Variants in CCT8L2 observed in about 807,000 individuals in gnomAD.
The protein encoded by CCT8L2 is chaperonin containing TCP1 subunit 8 like 2.
In CCT8L2, 29 loss-of-function variants were observed where a neutral mutation model predicts 31.5. The observed-to-expected ratio is 0.92, with a 90% CI of 0.68 to 1.25. The LOEUF (loss-of-function observed/expected upper bound fraction) is 1.25, where lower values mean the gene tolerates loss of function less well. Among genes scored for constraint, CCT8L2 ranks in the 50% most tolerant of loss-of-function variants. The pLI is 0.00. For missense variants in CCT8L2, 589 were observed against 695.7 expected, an observed-to-expected ratio of 0.85 and a Z score of 1.73; for synonymous variants, 256 against 290.1, an observed-to-expected ratio of 0.88 and a Z score of 1.19.
In CCT8L2 at chr22:16,592,302, C is replaced by A; in HGVS notation, c.249G>T (p.Glu83Asp). 6.2e-7 allele frequency: 1 copy of A among 1,614,258 alleles called. No individual in the cohort carries two copies. The highest frequency in any genetic ancestry group is 1.1e-5 in the South Asian group (1 of 91,088). ...CCCGGAGGAGCCATGCTGCTGGGTG[C>A]TCCAGCTCCAGGGCCCTGAGGATGG... ...ATAILRALELEHPAAWLLREA... is the reference protein window; with the variant it reads ...ATAILRALELDHPAAWLLREA... The change falls in exon 1 of 1, where the codon GAG becomes GAT. Residue 83 changes from glutamate (E) to aspartate (D), a missense_variant. By Grantham distance (45) the Glu-to-Asp change is conservative. Transcript: ENST00000359963.
rs1383011394 is a variant in CCT8L2, at chr22:16,592,092, T to C, written c.459A>G (p.Gln153=). The part of the protein sequence containing the change: ...VLATLPSLAI[Q]SLGPLEDPSW... Reference sequence around the variant, plus strand: ...ATGGATCTTCCAAAGGCCCCAGAGATTGGATGGCCAGGGAGGGCAGTGTGG... The same window carrying C: ...ATGGATCTTCCAAAGGCCCCAGAGACTGGATGGCCAGGGAGGGCAGTGTGG... The change falls in exon 1 of 1, where the codon CAA becomes CAG. Residue 153 remains glutamine (Q), a synonymous_variant. Coordinates refer to ENST00000359963, the MANE Select transcript of CCT8L2 (RefSeq NM_014406.5). 1.2e-6 allele frequency: 2 copies of C among 1,614,180 alleles called. No individual in the cohort carries two copies. The highest frequency in any genetic ancestry group is 1.1e-5 in the South Asian group (1 of 91,084).
At position 16,591,423 on chromosome 22, in the gene CCT8L2, A is replaced by G; in HGVS notation, c.1128T>C (p.Val376=). ...ECTGTPALTV[V]LRGATTQGLR... is the part of the protein sequence containing the mutation. ...GCCCCTGGGTGGTGGCTCCCCTGAGAACCACAGTGAGGGCAGGTGTGCCTG... is the reference window on the plus strand; with the variant it reads ...GCCCCTGGGTGGTGGCTCCCCTGAGGACCACAGTGAGGGCAGGTGTGCCTG... The change falls in exon 1 of 1, where the codon GTT becomes GTC. Residue 376 remains valine, a synonymous_variant. Coordinates refer to ENST00000359963, the MANE Select transcript of CCT8L2 (RefSeq NM_014406.5). The G allele has an allele frequency of 1.9e-6, 3 of 1,614,028 alleles. No individual in the cohort carries two copies. Among genetic ancestry groups the G allele is most frequent in the Non-Finnish European group, 2.5e-6 (3 of 1,179,910 alleles).
In CCT8L2 at chr22:16,592,261, T is replaced by C. The variant is rs992227350; in HGVS notation, c.290A>G (p.Gln97Arg). 1 of 1,614,132 alleles carries C rather than the reference T, an allele frequency of 6.2e-7. No homozygotes were observed. The highest frequency in any genetic ancestry group is 1.3e-5 in the African/African-American group (1 of 74,938). Residue 97 changes from glutamine to arginine, a missense_variant, in exon 1 of 1, where the codon CAG (glutamine) becomes CGG (arginine). Coordinates refer to ENST00000359963, the MANE Select transcript of CCT8L2 (RefSeq NM_014406.5). ...AWLLREAGQT[Q>R]AENSGDGTAF... ...TGTGCCGTCCCCACTATTCTCTGCC[T>C]GGGTTTGTCCTGCTTCCCGGAGGAG...
chr22:16,592,801 G>GC lies in CCT8L2; in HGVS notation c.-252dup, dbSNP rs2059595896. 1 of 436,334 alleles carries GC rather than the reference G, an allele frequency of 2.3e-6. No individual in the cohort carries two copies. The highest frequency in any genetic ancestry group is 2.0e-5 in the African/African-American group (1 of 49,704). The allele number at this position is 436,334 out of a possible 1,614,324, so 27.0% of individuals were successfully genotyped here. ...TTCTGTAAAGGAACTGGGTCTTGGG[G>GC]CCTCTCAACCTTGGTGGCTGAAATG... On this transcript the variant is annotated 5_prime_UTR_variant, in exon 1 of 1. Transcript: ENST00000359963.
Position 16,592,673 on chromosome 22 carries a change from G to T in CCT8L2, c.-123C>A, listed in dbSNP as rs1420583150. On this transcript the variant is annotated 5_prime_UTR_variant, in exon 1 of 1. Coordinates refer to ENST00000359963, the MANE Select transcript of CCT8L2 (RefSeq NM_014406.5). ...GGTCAGTGGAAGCAAGGAGCCAAAT[G>T]CCCATTGATTGGTATCTGAAGACAT... 1.3e-6 allele frequency: 1 copy of T among 789,344 alleles called. No homozygotes were observed. Among genetic ancestry groups the T allele is most frequent in the Non-Finnish European group, 2.0e-6 (1 of 495,286 alleles). The allele number at this position is 789,344 out of a possible 1,614,324, so 48.9% of individuals were successfully genotyped here.
At position 16,592,315 on chromosome 22, in the gene CCT8L2, G is replaced by A; in HGVS notation, c.236C>T (p.Ala79Val). The A allele has an allele frequency of 6.2e-7, 1 of 1,614,236 alleles. No individual in the cohort carries two copies. The highest frequency in any genetic ancestry group is 1.6e-4 in the Middle Eastern group (1 of 6,062). ...CTGCATAILR[A>V]LELEHPAAWL... ...TGCTGCTGGGTGCTCCAGCTCCAGG[G>A]CCCTGAGGATGGCAGTGGCACACCC... The change falls in exon 1 of 1, where the codon GCC (alanine) becomes GTC (valine). Residue 79 changes from alanine (A) to valine (V), a missense_variant. Coordinates refer to ENST00000359963, the MANE Select transcript of CCT8L2 (RefSeq NM_014406.5).
rs1018767830 is a variant in CCT8L2 at position 16,590,782 on chromosome 22, A to C, written c.*95T>G. 1.1e-5 allele frequency: 10 copies of C among 916,340 alleles called. No individual in the cohort carries two copies. In the African/African-American group the frequency reaches 1.2e-4, roughly 11 times the overall value. The allele number at this position is 916,340 out of a possible 1,614,324, so 56.8% of individuals were successfully genotyped here. A position where few individuals can be genotyped will look rare whatever the true frequency, so the allele number is the denominator to read the frequency against. ...GTTCCTTCATGTTTTTATTTAAAGA[A>C]AGTGAATCAAGTACCAAACACGGAA... On this transcript the variant is annotated 3_prime_UTR_variant, in exon 1 of 1. Coordinates refer to ENST00000359963, the MANE Select transcript of CCT8L2 (RefSeq NM_014406.5).
chr22:16,591,245 G>T lies in CCT8L2; in HGVS notation c.1306C>A (p.Pro436Thr). 6.2e-7 allele frequency: 1 copy of T among 1,614,028 alleles called. No homozygotes were observed. The highest frequency in any genetic ancestry group is 1.1e-5 in the South Asian group (1 of 91,080). ...KGSRLEGPSG[P>T]AFLAFAWALK... ...GCCCAGGCAAATGCTAGGAATGCAGGCCCACTGGGCCCTTCCAATCTGCTT... is the reference window on the plus strand; with the variant it reads ...GCCCAGGCAAATGCTAGGAATGCAGTCCCACTGGGCCCTTCCAATCTGCTT... Residue 436 changes from proline to threonine, a missense_variant, in exon 1 of 1, where the codon CCT (proline) becomes ACT (threonine). Pro to Thr is a conservative substitution (Grantham distance 38). Transcript: ENST00000359963.
rs1490542423 is a variant in CCT8L2 at position 16,592,536 on chromosome 22, G to T, written c.15C>A (p.Val5=). ...GCTGGGGCAGCTCCAGGGCTGAAGG[G>T]ACTGTGCTGTCCATGGCCCGCAGAG... MDST[V]PSALELPQRL... is the part of the protein sequence containing the mutation. Residue 5 remains valine (V), a synonymous_variant, in exon 1 of 1, where the codon GTC becomes GTA. Coordinates refer to ENST00000359963, the MANE Select transcript of CCT8L2 (RefSeq NM_014406.5). 5 of 1,612,370 alleles carry T rather than the reference G, an allele frequency of 3.1e-6. No homozygotes were observed. The highest frequency in any genetic ancestry group is 4.2e-6 in the Non-Finnish European group (5 of 1,179,396).
rs770581307 is a variant in CCT8L2, at chr22:16,592,447, C to T, written c.104G>A (p.Ser35Asn). 2.5e-6 allele frequency: 4 copies of T among 1,614,156 alleles called. No individual in the cohort carries two copies. In the Middle Eastern group the frequency reaches 5.0e-4, roughly 202 times the overall value. ...CAGGGTCTGGACTGCAGCCAAGCTG[C>T]TCAGCAGGTGGGGCTCCTCCTCTTC... ...SPEEEEPHLLSSLAAVQTLAS... is the reference protein window; with the variant it reads ...SPEEEEPHLLNSLAAVQTLAS... Residue 35 changes from serine (S) to asparagine (N), a missense_variant, in exon 1 of 1, where the codon AGC becomes AAC. Physicochemically the swap from Ser to Asn is conservative, Grantham distance 46. Transcript: ENST00000359963.
chr22:16,592,389 G>T lies in CCT8L2; in HGVS notation c.162C>A (p.His54Gln). The change falls in exon 1 of 1, where the codon CAC (histidine) becomes CAA (glutamine). Residue 54 changes from histidine (H) to glutamine (Q), a missense_variant. By Grantham distance (24) the His-to-Gln change is conservative (BLOSUM62 0). Coordinates refer to ENST00000359963, the MANE Select transcript of CCT8L2 (RefSeq NM_014406.5). ...TGGTCACCAGGAACTTCTGCCGGCCGTGGGGGCCATAGCAAGGCCGGATGA... is the reference window on the plus strand; with the variant it reads ...TGGTCACCAGGAACTTCTGCCGGCCTTGGGGGCCATAGCAAGGCCGGATGA... ...ASVIRPCYGP[H>Q]GRQKFLVTMK... 6.2e-7 allele frequency: 1 copy of T among 1,614,158 alleles called. No homozygotes were observed. Among genetic ancestry groups the T allele is most frequent in the Non-Finnish European group, 8.5e-7 (1 of 1,180,044 alleles).
chr22:16,591,402 C>G lies in CCT8L2; in HGVS notation c.1149G>C (p.Gln383His), dbSNP rs752597435. Residue 383 changes from glutamine (Q) to histidine (H), a missense_variant, in exon 1 of 1, where the codon CAG becomes CAC. Transcript: ENST00000359963. ...LTVVLRGATT[Q>H]GLRSAEQAVY... ...CGGCCTGCTCTGCACTCCGCAGCCC[C>G]TGGGTGGTGGCTCCCCTGAGAACCA... 22 of 1,613,936 alleles carry G rather than the reference C, an allele frequency of 1.4e-5. No individual in the cohort carries two copies. Among genetic ancestry groups the G allele is most frequent in the African/African-American group, 1.3e-5 (1 of 74,940 alleles).
At position 16,591,552 on chromosome 22, in the gene CCT8L2, A is replaced by T. The variant is rs1236159959; in HGVS notation, c.999T>A (p.Pro333=). The T allele has an allele frequency of 2.5e-6, 4 of 1,614,204 alleles. No individual in the cohort carries two copies. In the Admixed American group the frequency reaches 6.7e-5, roughly 27 times the overall value. The change falls in exon 1 of 1, where the codon CCT becomes CCA. Residue 333 remains proline (P), a synonymous_variant. Coordinates refer to ENST00000359963, the MANE Select transcript of CCT8L2 (RefSeq NM_014406.5). ...GGGGAGGGAGCAGACGAGGCAGCAG[A>T]GGTGTGTCCAACACCTCACTCAGGT... The part of the protein sequence containing the change: ...IIYLSEVLDT[P]LLPRLLPPQR...
In CCT8L2 at chr22:16,592,388, C is replaced by T. The variant is rs773674246; in HGVS notation, c.163G>A (p.Gly55Ser). 48 of 1,614,030 alleles carry T rather than the reference C, an allele frequency of 3.0e-5. No homozygotes were observed. The Admixed American group carries it at 3.3e-4, about 11-fold the overall frequency. ...ATGGTCACCAGGAACTTCTGCCGGC[C>T]GTGGGGGCCATAGCAAGGCCGGATG... ...SVIRPCYGPH[G>S]RQKFLVTMKG... Residue 55 changes from glycine to serine, a missense_variant, in exon 1 of 1, where the codon GGC (glycine) becomes AGC (serine). By Grantham distance (56) the Gly-to-Ser change is moderately conservative. Transcript: ENST00000359963.
chr22:16,592,440 C>T lies in CCT8L2; in HGVS notation c.111G>A (p.Leu37=). ...CACTGGCCAGGGTCTGGACTGCAGC[C>T]AAGCTGCTCAGCAGGTGGGGCTCCT... ...EEEEPHLLSS[L]AAVQTLASVI... Residue 37 remains leucine (L), a synonymous_variant, in exon 1 of 1, where the codon TTG becomes TTA. Transcript: ENST00000359963. 1.2e-6 allele frequency: 2 copies of T among 1,614,168 alleles called. No individual in the cohort carries two copies. The highest frequency in any genetic ancestry group is 1.7e-6 in the Non-Finnish European group (2 of 1,180,040).
Position 16,592,373 on chromosome 22 carries a change from G to C in CCT8L2, c.178C>G (p.Leu60Val). Residue 60 changes from leucine (L) to valine (V), a missense_variant, in exon 1 of 1, where the codon CTG becomes GTG. Leu to Val is a conservative substitution (Grantham distance 32). Coordinates refer to ENST00000359963, the MANE Select transcript of CCT8L2 (RefSeq NM_014406.5). ...ACTGTTTCTCCTTTCATGGTCACCA[G>C]GAACTTCTGCCGGCCGTGGGGGCCA... is the stretch of plus-strand genomic sequence containing the variant. Reference protein sequence around the residue: ...CYGPHGRQKFLVTMKGETVCT... With the variant: ...CYGPHGRQKFVVTMKGETVCT... 6.2e-7 allele frequency: 1 copy of C among 1,614,208 alleles called. No individual in the cohort carries two copies. The highest frequency in any genetic ancestry group is 8.5e-7 in the Non-Finnish European group (1 of 1,180,048).
Position 16,592,062 on chromosome 22 carries a change from C to T in CCT8L2, c.489G>A (p.Trp163Ter), listed in dbSNP as rs756009188. Residue 163 changes from tryptophan (W) to a stop codon, truncating the protein, a stop_gained, in exon 1 of 1, where the codon TGG (tryptophan) becomes TGA (stop). Transcript: ENST00000359963. LOFTEE classifies it high-confidence loss of function. ...QSLGPLEDPS[W>*]ALHSVMNTHT... ...GGGTATTCATCACAGAATGGAGGGC[C>T]CAGGATGGATCTTCCAAAGGCCCCA... 3 of 1,614,200 alleles carry T rather than the reference C, an allele frequency of 1.9e-6. No individual in the cohort carries two copies. The East Asian group carries it at 6.7e-5, about 36-fold the overall frequency.
rs1221765417 is a variant in CCT8L2 at position 16,591,625 on chromosome 22, T to G, written c.926A>C (p.Lys309Thr). ...AGCTTGAATCACCACGATGCCATAC[T>G]TGTCCGCCAGTGTGAGGGTCTCCTC... The part of the protein sequence containing the change: ...VDEETLTLAD[K>T]YGIVVIQARS... The change falls in exon 1 of 1, where the codon AAG (lysine) becomes ACG (threonine). Residue 309 changes from lysine to threonine, a missense_variant. Transcript: ENST00000359963. The G allele has an allele frequency of 1.8e-5, 29 of 1,614,080 alleles. No homozygotes were observed. The highest frequency in any genetic ancestry group is 2.7e-5 in the African/African-American group (2 of 74,934).
chr22:16,590,839 T>C lies in CCT8L2; in HGVS notation c.*38A>G. The C allele has an allele frequency of 7.2e-7, 1 of 1,391,324 alleles. No individual in the cohort carries two copies. The highest frequency in any genetic ancestry group is 9.9e-7 in the Non-Finnish European group (1 of 1,009,380). The allele number at this position is 1,391,324 out of a possible 1,614,324, so 86.2% of individuals were successfully genotyped here. ...CAAACATTCATTTTTGGGGTGATTG[T>C]TCCCTTCTTGGCAATCCCTGTTTTA... On this transcript the variant is annotated 3_prime_UTR_variant, in exon 1 of 1. Coordinates refer to ENST00000359963, the MANE Select transcript of CCT8L2 (RefSeq NM_014406.5).
Sources: gnomAD v4.1 joint callset for allele counts on GRCh38, gnomAD v4.1.1 for gene constraint, MANE v1.5 for transcripts, NCBI Gene and HGNC (gene_info 2026-07-23, HGNC 2026-07-21) for gene names.